Variants in PDGFD observed in about 807,000 individuals in gnomAD.
PDGFD encodes the protein platelet derived growth factor D.
A neutral mutation model predicts 44.7 loss-of-function variants in PDGFD; 30 were observed. The observed-to-expected ratio is 0.67, with a 90% CI of 0.50 to 0.91. The LOEUF (loss-of-function observed/expected upper bound fraction) is 0.91. Among genes scored for constraint, PDGFD ranks in the 40% least tolerant of loss-of-function variants. PDGFD has a pLI of 0.00. For missense variants in PDGFD, 445 were observed against 457.8 expected (o/e 0.97, Z 0.25); for synonymous variants, 173 against 168.4 (o/e 1.03, Z -0.21).
intron 3 of PDGFD, among the ~76,000 whole-genome samples, chr11:103,954,759 T>C (rs1163411226): frequency 6.6e-6 from 1 of 152,174 alleles, no homozygotes; most frequent in Non-Finnish European, 1.5e-5. Context: ...TGCTTCTTGA[T>C]TGAGTTAATG....
chr11:104,142,620 T>TGG (rs1862102299), intron 1 of PDGFD, among the ~76,000 whole-genome samples: 1 of 152,222 alleles, frequency 6.6e-6, no homozygotes, highest in African/African-American at 2.4e-5. Context: ...TCTCTAAGTT[T>TGG]CCAAATTCTT....
chr11:104,129,920 A>G (rs7395216), intron 1 of PDGFD, among the ~76,000 whole-genome samples: 19,398 of 151,210 alleles, frequency 0.13, 1,372 homozygotes, highest in East Asian at 0.29. Context: ...GAGGCAGGAG[A>G]ATCGGTTGAA....
chr11:104,119,360 T>A lies in PDGFD; in HGVS notation c.124+44444A>T, dbSNP rs1565340810. Among the ~76,000 whole-genome samples the A allele has an allele frequency of 9.6e-4, 20 of 20,778 alleles. 3 individuals carry two copies. The highest frequency in any genetic ancestry group is 4.5e-3 in the East Asian group (3 of 660). 13.6% of individuals were successfully genotyped at this position (20,778 alleles called of 152,430 possible). On this transcript the variant is annotated intron_variant, in intron 1 of 6. Coordinates refer to ENST00000393158, the MANE Select transcript of PDGFD (RefSeq NM_025208.5). ...ATATATTGATATAATATATAATATA[T>A]TGATATAATATATTGATATAATATA...
intron 1 of PDGFD, among the ~76,000 whole-genome samples, chr11:104,120,553 A>G (rs1255811033): frequency 6.6e-6 from 1 of 151,914 alleles, no homozygotes. Flanking sequence ...ATATTTCCCC[A>G]ACAAACCTTG....
At chr11:104,025,714 T>A (rs1257948099) in intron 1 of PDGFD, among the ~76,000 whole-genome samples, 1 of 152,064 alleles carries the variant, frequency 6.6e-6, no homozygotes. Flanking sequence ...GCGGAAGGTG[T>A]CAGCATTTGT....
chr11:104,091,140 T>C (rs554987355), intron 1 of PDGFD, among the ~76,000 whole-genome samples: 1 of 152,316 alleles, frequency 6.6e-6, no homozygotes, highest in South Asian at 2.1e-4. Flanking sequence ...TCTCTGACAG[T>C]ATTTGGCTAA....
intron 1 of PDGFD, among the ~76,000 whole-genome samples, chr11:104,018,130 A>G (rs985667115): frequency 6.6e-6 from 1 of 151,894 alleles, no homozygotes; most frequent in Non-Finnish European, 1.5e-5. Flanking sequence ...TTGTCCCCCA[A>G]TTGCACCCCA....
intron 3 of PDGFD, among the ~76,000 whole-genome samples, chr11:103,958,124 T>C (rs536898227): frequency 3.3e-5 from 5 of 152,164 alleles, no homozygotes; most frequent in African/African-American, 1.2e-4. Context: ...TTTATGCCGG[T>C]GACTATATGA....
intron 1 of PDGFD, among the ~76,000 whole-genome samples, chr11:104,018,520 C>T (rs373288476): frequency 1.3e-5 from 2 of 152,180 alleles, no homozygotes; most frequent in Admixed American, 1.3e-4. Flanking sequence ...ACCCTGCAGT[C>T]GAACCCATGA....
chr11:104,034,292 C>A (rs867960034), intron 1 of PDGFD, among the ~76,000 whole-genome samples: 134 of 144,660 alleles, frequency 9.3e-4, no homozygotes, highest in African/African-American at 2.9e-3. Flanking sequence ...ACATTATTCA[C>A]GTCTGTTTCC....
At chr11:104,014,112 C>T (rs1859825059) in intron 1 of PDGFD, among the ~76,000 whole-genome samples, 1 of 152,120 alleles carries the variant, frequency 6.6e-6, no homozygotes, top group Non-Finnish European at 1.5e-5. Context: ...GGCCCAGAAA[C>T]ATAGAGACAG....
Position 104,152,072 on chromosome 11 carries a change from T to C in PDGFD, c.124+11732A>G, listed in dbSNP as rs572908388. Among the ~76,000 whole-genome samples, 9 of 152,332 alleles carry C rather than the reference T, an allele frequency of 5.9e-5. No individual in the cohort carries two copies. In the South Asian group the frequency reaches 1.7e-3, roughly 28 times the overall value. On this transcript the variant is annotated intron_variant, in intron 1 of 6. Coordinates refer to ENST00000393158, the MANE Select transcript of PDGFD (RefSeq NM_025208.5). ...AGACTGTGCCTTAGGTTTGACTATT[T>C]CTGCTCCATGGTGCCTCATCCAGAG...
intron 6 of PDGFD, among the ~76,000 whole-genome samples, chr11:103,922,131 T>G (rs1413429094): frequency 8.5e-5 from 13 of 152,154 alleles, no homozygotes; most frequent in Admixed American, 8.5e-4. Flanking sequence ...GTTGACTAAA[T>G]GGATACAGCC....
intron 1 of PDGFD, among the ~76,000 whole-genome samples, chr11:104,078,429 C>T (rs1023862981): frequency 2.0e-5 from 3 of 152,166 alleles, no homozygotes; most frequent in African/African-American, 4.8e-5. Context: ...CTGCAGGCTA[C>T]GTCTTATCTG....
Position 104,053,448 on chromosome 11 carries a change from C to T in PDGFD, c.125-53193G>A, listed in dbSNP as rs1860573294. Reference sequence around the variant, plus strand: ...CAAGTGAGATGGCAATTAATTCCTGCAGAAATTAATAGTTTCACAAACAGC... The same window carrying T: ...CAAGTGAGATGGCAATTAATTCCTGTAGAAATTAATAGTTTCACAAACAGC... On this transcript the variant is annotated intron_variant, in intron 1 of 6. Coordinates refer to ENST00000393158, the MANE Select transcript of PDGFD (RefSeq NM_025208.5). Among the ~76,000 whole-genome samples, 6 of 152,276 alleles carry T rather than the reference C, an allele frequency of 3.9e-5. No homozygotes were observed. In the South Asian group the frequency reaches 1.2e-3, roughly 32 times the overall value.
rs116488841 is a variant in PDGFD at position 104,019,933 on chromosome 11, T to C, written c.125-19678A>G. Among the ~76,000 whole-genome samples, 1,053 of 152,252 alleles carry C rather than the reference T, an allele frequency of 6.9e-3. 15 individuals are homozygous for C. Among genetic ancestry groups the C allele is most frequent in the African/African-American group, 0.024 (993 of 41,554 alleles). On this transcript the variant is annotated intron_variant, in intron 1 of 6. Transcript: ENST00000393158. The stretch of plus-strand genomic sequence containing the variant: ...CTTCATCTACAAAATAGTGATAACA[T>C]TAACATCTCCATGGGGCTGCGATAA...
intron 1 of PDGFD, among the ~76,000 whole-genome samples, chr11:104,014,180 T>C (rs1424613491): frequency 1.3e-5 from 2 of 152,208 alleles, no homozygotes; most frequent in African/African-American, 4.8e-5. Context: ...TCTGTTTCTC[T>C]ACATTTTTGC....
At chr11:103,927,312 C>T (rs1335584919) in intron 5 of PDGFD, among the ~76,000 whole-genome samples, 186 bp from the exon 6 acceptor site, 1 of 152,204 alleles carries the variant, frequency 6.6e-6, no homozygotes, top group African/African-American at 2.4e-5. Flanking sequence ...TTGATCCCAT[C>T]TACCCTTTGA....
intron 1 of PDGFD, among the ~76,000 whole-genome samples, chr11:104,161,789 T>C (rs554026827): frequency 6.6e-6 from 1 of 152,344 alleles, no homozygotes; most frequent in Non-Finnish European, 1.5e-5. Context: ...AGCTGCCATT[T>C]GAAAATTTTC....
Sources: gnomAD v4.1 joint callset for allele counts (sites outside exome capture counted in the v4.1 genomes callset) on GRCh38, gnomAD v4.1.1 for gene constraint, MANE v1.5 for transcripts, NCBI Gene and HGNC (gene_info 2026-07-23, HGNC 2026-07-21) for gene names.